The following ERI3 variants were observed in gnomAD, a reference collection of about 807,000 sequenced individuals.
ERI3 encodes the protein ERI1 exoribonuclease family member 3.
In ERI3, 18 loss-of-function variants were observed where a neutral mutation model predicts 44.4. The ratio of observed to expected loss-of-function variants is 0.41; its 90% confidence interval spans 0.28 to 0.60. The LOEUF (loss-of-function observed/expected upper bound fraction) is 0.60. Among genes scored for constraint, ERI3 ranks in the 20% least tolerant of loss-of-function variants. ERI3 has a pLI of 0.36. For missense variants in ERI3, 294 were observed against 435.5 expected (o/e 0.68, Z 2.89); for synonymous variants, 183 against 164.8 (o/e 1.11, Z -0.84).
intron 5 of ERI3, among the ~76,000 whole-genome samples, chr1:44,310,243 G>T (rs1379008301): frequency 6.6e-6 from 1 of 152,156 alleles, no homozygotes; most frequent in Admixed American, 6.5e-5. Flanking sequence ...GTCAGAAAAG[G>T]CTTCACAAAG....
At chr1:44,295,847 C>T (rs1328865814) in intron 6 of ERI3, among the ~76,000 whole-genome samples, 4 of 152,180 alleles carry the variant, frequency 2.6e-5, no homozygotes, top group African/African-American at 9.7e-5. Context: ...ACCATGGGAA[C>T]ATAGGATGAT....
chr1:44,271,891 T>C (rs1030173565), intron 7 of ERI3, among the ~76,000 whole-genome samples: 2 of 152,208 alleles, frequency 1.3e-5, no homozygotes, highest in African/African-American at 2.4e-5. Context: ...TGTCCCGCAG[T>C]GTGAGCTGAG....
At position 44,241,386 on chromosome 1, in the gene ERI3, G is replaced by A. The variant is rs973297873; in HGVS notation, c.931+6553C>T. Among the ~76,000 whole-genome samples the A allele has an allele frequency of 5.3e-5, 8 of 151,968 alleles. No homozygotes were observed. Among genetic ancestry groups the A allele is most frequent in the Admixed American group, 6.6e-5 (1 of 15,248 alleles). On this transcript the variant is annotated intron_variant, in intron 8 of 8. Transcript: ENST00000372257. The surrounding 1 kb of genome is among the most constrained non-coding windows in gnomAD (Gnocchi z 5.6). ...CTGCCCTGTCAATCACTCAATCACC[G>A]CCCAGTGCTTGGTGGGCACCGCACG...
At chr1:44,333,757 G>C (rs545434936) in intron 3 of ERI3, among the ~76,000 whole-genome samples, 4 of 152,194 alleles carry the variant, frequency 2.6e-5, no homozygotes, top group Non-Finnish European at 5.9e-5. Flanking sequence ...GGCAACTCTA[G>C]GTCACACGGA....
At chr1:44,330,973 G>T (rs1646415551) in intron 3 of ERI3, among the ~76,000 whole-genome samples, 1 of 152,148 alleles carries the variant, frequency 6.6e-6, no homozygotes. Flanking sequence ...GCAGGATGGA[G>T]GTAGGGAGAA....
At chr1:44,259,950 G>GA (rs1553185626) in intron 7 of ERI3, among the ~76,000 whole-genome samples, 1 of 151,982 alleles carries the variant, frequency 6.6e-6, no homozygotes, top group Non-Finnish European at 1.5e-5. Flanking sequence ...CAGACAGACA[G>GA]TAGTTCCTTT....
intron 4 of ERI3, among the ~76,000 whole-genome samples, chr1:44,314,967 G>C (rs1036519491): frequency 1.3e-5 from 2 of 152,338 alleles, no homozygotes; most frequent in African/African-American, 2.4e-5. Flanking sequence ...GGGCCAAAGA[G>C]AGTCAGGAGG....
chr1:44,255,233 T>C (rs1644757237), intron 7 of ERI3, among the ~76,000 whole-genome samples: 1 of 152,178 alleles, frequency 6.6e-6, no homozygotes, highest in Admixed American at 6.5e-5. Context: ...CTCCACTCCC[T>C]TCCTCCTTCA....
intron 8 of ERI3, among the ~76,000 whole-genome samples, chr1:44,227,105 T>C (rs142178850): frequency 6.6e-6 from 1 of 152,084 alleles, no homozygotes; most frequent in Non-Finnish European, 1.5e-5. Flanking sequence ...GGAGGGACAG[T>C]AGGGTGGCAA....
At chr1:44,310,211 C>T (rs1166023045) in intron 5 of ERI3, among the ~76,000 whole-genome samples, 1 of 152,120 alleles carries the variant, frequency 6.6e-6, no homozygotes, top group Non-Finnish European at 1.5e-5. Flanking sequence ...AGTGGCTAGC[C>T]CTACCTTTCA....
chr1:44,251,599 G>A (rs1644680960), intron 7 of ERI3, among the ~76,000 whole-genome samples: 1 of 152,216 alleles, frequency 6.6e-6, no homozygotes, highest in Non-Finnish European at 1.5e-5. Flanking sequence ...GGCTAGGAAA[G>A]CTTCCTGGAG....
At position 44,241,261 on chromosome 1, in the gene ERI3, G is replaced by C. The variant is rs1216798094; in HGVS notation, c.931+6678C>G. Among the ~76,000 whole-genome samples, 1 of 152,006 alleles carries C rather than the reference G, an allele frequency of 6.6e-6. No individual in the cohort carries two copies. Among genetic ancestry groups the C allele is most frequent in the African/African-American group, 2.4e-5 (1 of 41,358 alleles). On this transcript the variant is annotated intron_variant, in intron 8 of 8. Coordinates refer to ENST00000372257, the MANE Select transcript of ERI3 (RefSeq NM_024066.3). This position sits in a 1 kb window ranked among gnomAD's most constrained non-coding sequence, Gnocchi z 5.6. ...TTTTCAGGGAGTGAAGGTGGGGAGA[G>C]GGGATAAGGAGGAAAATAAACTGAA...
chr1:44,250,621 T>C (rs1456563381), intron 7 of ERI3, among the ~76,000 whole-genome samples: 1 of 152,046 alleles, frequency 6.6e-6, no homozygotes, highest in Non-Finnish European at 1.5e-5. Context: ...CGAGATGAAT[T>C]GGCGTCTCCA....
chr1:44,295,589 T>C (rs1302513322), intron 6 of ERI3, among the ~76,000 whole-genome samples: 1 of 152,190 alleles, frequency 6.6e-6, no homozygotes, highest in African/African-American at 2.4e-5. Context: ...TCCAACAGGA[T>C]TCCTTGGGAG....
intron 8 of ERI3, among the ~76,000 whole-genome samples, chr1:44,229,353 C>T (rs370424838): frequency 6.6e-6 from 1 of 152,270 alleles, no homozygotes; most frequent in East Asian, 1.9e-4. Context: ...AGAGGCAGCA[C>T]GGACACCACA....
intron 6 of ERI3, among the ~76,000 whole-genome samples, chr1:44,288,244 G>A (rs1049944696): frequency 6.6e-6 from 1 of 152,176 alleles, no homozygotes; most frequent in Admixed American, 6.5e-5. Context: ...GCACATGGGG[G>A]TTAGGCACTA....
chr1:44,295,887 C>G (rs939004144), intron 6 of ERI3, among the ~76,000 whole-genome samples: 1 of 152,176 alleles, frequency 6.6e-6, no homozygotes, highest in African/African-American at 2.4e-5. Context: ...AAGGGTCTGT[C>G]CCCTGGCTTC....
At chr1:44,339,359 GA>G (rs752810237) in intron 2 of ERI3, 37 bp from the exon 3 acceptor site, 2 of 1,035,794 alleles carry the variant, frequency 1.9e-6, no homozygotes, top group Admixed American at 3.5e-5. Flanking sequence ...AAAAAAAAAA[GA>G]AAAGAAAGAA....
At chr1:44,316,013 T>C (rs556548741) in intron 4 of ERI3, among the ~76,000 whole-genome samples, 33 of 151,928 alleles carry the variant, frequency 2.2e-4, no homozygotes, top group African/African-American at 7.7e-4. Flanking sequence ...TAAAAATTAG[T>C]TCCTCTACCT....
Sources: gnomAD v4.1 joint callset for allele counts (sites outside exome capture counted in the v4.1 genomes callset) on GRCh38, gnomAD v4.1.1 for gene constraint, Gnocchi (gnomAD v3.1) non-coding constraint, MANE v1.5 for transcripts, NCBI Gene and HGNC (gene_info 2026-07-23, HGNC 2026-07-21) for gene names.